ANG: variants seen among roughly 807,000 people sequenced by gnomAD.
ANG encodes the protein angiogenin, also known as Homo sapiens epididymis luminal protein 168.
For synonymous variants in ANG, 74 were observed against 73.8 expected, an observed-to-expected ratio of 1.00 and a Z score of -0.02; for missense variants, 178 against 187.4, an observed-to-expected ratio of 0.95 and a Z score of 0.29.
At chr14:20,688,960 C>A in intron 1 of ANG, 86 bp downstream of exon 1, 1 of 650,216 alleles carries the variant, frequency 1.5e-6, no homozygotes, top group Non-Finnish European at 1.9e-6. Flanking sequence ...TTAAAGCCTC[C>A]AGGCTCAAGC....
chr14:20,688,733 A>G, upstream of ANG: 1 of 985,270 alleles, frequency 1.0e-6, no homozygotes, highest in Non-Finnish European at 1.2e-6. Context: ...CTGGGACACT[A>G]TATATTAGGA....
chr14:20,687,471 G>A (rs1039151098), upstream of ANG, among the ~76,000 whole-genome samples: 39 of 152,196 alleles, frequency 2.6e-4, 1 homozygote, highest in African/African-American at 9.4e-4. Flanking sequence ...TCAGGCCATG[G>A]GGCTGTGTGT....
intron 1 of ANG, among the ~76,000 whole-genome samples, chr14:20,692,382 C>T (rs998409568): frequency 3.3e-5 from 5 of 152,232 alleles, no homozygotes; most frequent in African/African-American, 1.2e-4. Flanking sequence ...CATTAGCTGA[C>T]TAATTAGCTA....
At chr14:20,687,954 GTACCCTGC>G (rs1418327144), upstream of ANG, among the ~76,000 whole-genome samples, 1 of 152,144 alleles carries the variant, frequency 6.6e-6, no homozygotes, top group Non-Finnish European at 1.5e-5. Flanking sequence ...GAAACAGTTG[GTACCCTGC>G]TGCTGTCTGA....
upstream of ANG, among the ~76,000 whole-genome samples, chr14:20,686,039 T>TAAAAA (rs11378368): frequency 1.4e-5 from 2 of 137,952 alleles, no homozygotes; most frequent in African/African-American, 5.5e-5. Context: ...GACTCCGTCT[T>TAAAAA]AAAAAAAAAA....
chr14:20,693,881 AG>A lies in ANG; in HGVS notation c.318del (p.Lys106AsnfsTer88). ...TCTTCTTTCCAGGTCACCACTTGCA[AG>A]CTACATGGAGGTTCCCCCTGGCCTC... ...SKSSFQVTTC[K>X]LHGGSPWPPC... On this transcript the variant is annotated frameshift_variant, in exon 2 of 2. Coordinates refer to ENST00000397990, the MANE Select transcript of ANG (RefSeq NM_001097577.3). LOFTEE classifies it low-confidence loss of function (END_TRUNC). 6.2e-7 allele frequency: 1 copy of A among 1,614,204 alleles called. No individual in the cohort carries two copies. The highest frequency in any genetic ancestry group is 2.2e-5 in the East Asian group (1 of 44,888).
intron 1 of ANG, among the ~76,000 whole-genome samples, chr14:20,692,280 A>G (rs1338951511): frequency 6.6e-6 from 1 of 152,194 alleles, no homozygotes; most frequent in Non-Finnish European, 1.5e-5. Context: ...TCAGTGAGTT[A>G]CTCATAAACG....
intron 1 of ANG, among the ~76,000 whole-genome samples, chr14:20,689,364 A>G (rs1164080674): frequency 2.0e-5 from 3 of 152,240 alleles, no homozygotes; most frequent in Non-Finnish European, 4.4e-5. Flanking sequence ...AGAAGGAAGG[A>G]AAAGCAATAA....
chr14:20,689,620 C>G (rs536799136), intron 1 of ANG, among the ~76,000 whole-genome samples: 1 of 152,280 alleles, frequency 6.6e-6, no homozygotes, highest in South Asian at 2.1e-4. Flanking sequence ...TAAAGTTACT[C>G]TAAAGAACAG....
Position 20,688,849 on chromosome 14 carries a change from GA to G in ANG, c.-43del. The G allele has an allele frequency of 1.0e-6, 1 of 985,244 alleles. No homozygotes were observed. Among genetic ancestry groups the G allele is most frequent in the East Asian group, 1.1e-4 (1 of 8,824 alleles). The allele number at this position is 985,244 out of a possible 1,614,324, so 61.0% of individuals were successfully genotyped here. On this transcript the variant is annotated 5_prime_UTR_variant, in exon 1 of 2. Transcript: ENST00000397990. ...ATCTCCCGTTGAAGGGAAACTGCCA[GA>G]TTTTTGTAAGATTCTTCCTCCTGGG...
chr14:20,690,752 C>G (rs979642840), intron 1 of ANG, among the ~76,000 whole-genome samples: 1 of 152,010 alleles, frequency 6.6e-6, no homozygotes, highest in Non-Finnish European at 1.5e-5. Flanking sequence ...CAAACCTAGG[C>G]CTGGAGAGAA....
upstream of ANG, among the ~76,000 whole-genome samples, chr14:20,685,054 AG>A (rs1886360093): frequency 2.6e-5 from 4 of 152,296 alleles, no homozygotes; most frequent in South Asian, 8.3e-4. Flanking sequence ...AAGCCCTAGG[AG>A]GCCTGCACTT....
At chr14:20,692,286 A>G (rs1371912924) in intron 1 of ANG, among the ~76,000 whole-genome samples, 1 of 152,230 alleles carries the variant, frequency 6.6e-6, no homozygotes, top group African/African-American at 2.4e-5. Context: ...AGTTACTCAT[A>G]AACGAACAAG....
chr14:20,693,621 C>T lies in ANG; in HGVS notation c.57C>T (p.Thr19=), dbSNP rs761341937. 14 of 1,613,812 alleles carry T rather than the reference C, an allele frequency of 8.7e-6. No homozygotes were observed. The highest frequency in any genetic ancestry group is 1.7e-5 in the Admixed American group (1 of 59,978). ...TCTTCGTGCTGGGTCTGGGTCTGACCCCACCGACCCTGGCTCAGGATAACT... is the reference window on the plus strand; with the variant it reads ...TCTTCGTGCTGGGTCTGGGTCTGACTCCACCGACCCTGGCTCAGGATAACT... The part of the protein sequence containing the change: ...LLVFVLGLGL[T]PPTLAQDNSR... Residue 19 remains threonine, a synonymous_variant, in exon 2 of 2, where the codon ACC becomes ACT. Coordinates refer to ENST00000397990, the MANE Select transcript of ANG (RefSeq NM_001097577.3).
upstream of ANG, among the ~76,000 whole-genome samples, chr14:20,686,860 T>C (rs550857372): frequency 6.6e-6 from 1 of 152,358 alleles, no homozygotes; most frequent in Admixed American, 6.5e-5. Flanking sequence ...CATCTAATTT[T>C]ATAATTAGTC....
chr14:20,684,488 G>A (rs1886325623), upstream of ANG: 1 of 152,414 alleles, frequency 6.6e-6, no homozygotes, highest in African/African-American at 2.4e-5. Context: ...ATCCAGGCGG[G>A]AGGGGCCTCC....
chr14:20,685,237 G>A (rs1240103812), upstream of ANG, among the ~76,000 whole-genome samples: 2 of 152,164 alleles, frequency 1.3e-5, no homozygotes, highest in African/African-American at 4.8e-5. Context: ...AATTCTTAGA[G>A]ACACTTGCCA....
chr14:20,689,927 A>AC (rs892688699), intron 1 of ANG, among the ~76,000 whole-genome samples: 1 of 150,608 alleles, frequency 6.6e-6, no homozygotes, highest in African/African-American at 2.4e-5. Context: ...AAAAAAAAAA[A>AC]AAAACAGGCC....
At chr14:20,684,375 G>A (rs2138993271), upstream of ANG, 1 of 152,302 alleles carries the variant, frequency 6.6e-6, no homozygotes, top group South Asian at 2.1e-4. Flanking sequence ...TGCCCGTTGG[G>A]GTCCAGCTGA....
Sources: allele counts gnomAD v4.1 joint callset (sites outside exome capture counted in the v4.1 genomes callset), GRCh38; gene constraint gnomAD v4.1.1; transcripts MANE v1.5; gene names NCBI Gene and HGNC (gene_info 2026-07-23, HGNC 2026-07-21).